Variants in CAMK2B observed in about 807,000 individuals in gnomAD.
The protein encoded by CAMK2B is calcium/calmodulin dependent protein kinase II beta.
Under a neutral mutation model 93.7 loss-of-function variants are expected in CAMK2B, and 27 were observed. The observed-to-expected ratio is 0.29, with a 90% CI of 0.21 to 0.40. CAMK2B has a LOEUF of 0.40. Ranked by LOEUF, CAMK2B falls within the 10% of genes least tolerant of loss-of-function variation. The pLI is 1.00. For missense variants in CAMK2B, 568 were observed against 895.8 expected (o/e 0.63, Z 4.67); for synonymous variants, 374 against 358.8 (o/e 1.04, Z -0.48).
rs1793924223 is a variant in CAMK2B at position 44,312,898 on chromosome 7, C to T, written c.65+12459G>A. On this transcript the variant is annotated intron_variant, in intron 1 of 23. Transcript: ENST00000395749. This position sits in a 1 kb window ranked among gnomAD's most constrained non-coding sequence, Gnocchi z 4.1. ...GTTTTTGACTGGGAGGGGTGTTCTC[C>T]GTCAGTCCCTGGGGCTGTTATGATG... Among the ~76,000 whole-genome samples, 1 of 152,254 alleles carries T rather than the reference C, an allele frequency of 6.6e-6. No individual in the cohort carries two copies. The highest frequency in any genetic ancestry group is 2.4e-5 in the African/African-American group (1 of 41,558).
intron 2 of CAMK2B, chr7:44,268,956 T>TG (rs1432242527): frequency 6.6e-6 from 1 of 152,126 alleles, no homozygotes; most frequent in Non-Finnish European, 1.5e-5. Context: ...CCAGGAGTGG[T>TG]GGGGGAGAGA....
intron 2 of CAMK2B, among the ~76,000 whole-genome samples, chr7:44,275,905 G>C (rs988407474): frequency 1.3e-5 from 2 of 152,176 alleles, no homozygotes; most frequent in Admixed American, 1.3e-4. Flanking sequence ...GCTGACCCTG[G>C]GGCAGGGGAG....
chr7:44,261,271 C>A (rs545438813), intron 3 of CAMK2B, among the ~76,000 whole-genome samples: 63 of 152,390 alleles, frequency 4.1e-4, no homozygotes, highest in African/African-American at 1.4e-3. Flanking sequence ...AGCAGGCTGG[C>A]CCCTCTGAGC....
At chr7:44,253,201 G>GTT (rs1198673884) in intron 5 of CAMK2B, among the ~76,000 whole-genome samples, 3 of 143,606 alleles carry the variant, frequency 2.1e-5, no homozygotes, top group African/African-American at 5.1e-5. Flanking sequence ...TTTAAAAAGA[G>GTT]TTTTTTTTTT....
Position 44,325,510 on chromosome 7 carries a change from G to A in CAMK2B, c.-89C>T. ...GCTCGCGGGCACGGCGGCGACACGGGCGCGGGCGCGGGAGACACCTCGGCT... is the reference window on the plus strand; with the variant it reads ...GCTCGCGGGCACGGCGGCGACACGGACGCGGGCGCGGGAGACACCTCGGCT... On this transcript the variant is annotated 5_prime_UTR_variant, in exon 1 of 24. Transcript: ENST00000395749. 1 of 801,952 alleles carries A rather than the reference G, an allele frequency of 1.2e-6. No individual in the cohort carries two copies. The highest frequency in any genetic ancestry group is 1.5e-6 in the Non-Finnish European group (1 of 661,488). 49.7% of individuals were successfully genotyped at this position (801,952 alleles called of 1,614,324 possible).
At chr7:44,291,050 G>T (rs550063079) in intron 1 of CAMK2B, among the ~76,000 whole-genome samples, 2 of 152,270 alleles carry the variant, frequency 1.3e-5, no homozygotes, top group Non-Finnish European at 2.9e-5. Flanking sequence ...GGGGGCTCTT[G>T]TTGCCACTTT....
At chr7:44,221,231 C>T (rs954822653) in intron 20 of CAMK2B, among the ~76,000 whole-genome samples, 5 of 152,250 alleles carry the variant, frequency 3.3e-5, no homozygotes, top group Admixed American at 2.6e-4. Context: ...CCTGGCCCCA[C>T]GTGCTGTCCG....
At chr7:44,306,415 G>A (rs994405422) in intron 1 of CAMK2B, among the ~76,000 whole-genome samples, 18 of 152,204 alleles carry the variant, frequency 1.2e-4, no homozygotes, top group Non-Finnish European at 2.1e-4. Flanking sequence ...AACCCCACAG[G>A]AGCTGTGCCC....
intron 23 of CAMK2B, among the ~76,000 whole-genome samples, 193 bp downstream of exon 23, chr7:44,219,867 G>C (rs1250489410): frequency 6.6e-6 from 1 of 152,110 alleles, no homozygotes; most frequent in Non-Finnish European, 1.5e-5. Context: ...AGTCCTCTGG[G>C]GAGGCCTGCC....
At chr7:44,254,637 T>A in intron 4 of CAMK2B, 30 bp from the exon 5 acceptor site, 1 of 1,522,334 alleles carries the variant, frequency 6.6e-7, no homozygotes, top group Non-Finnish European at 9.1e-7. Flanking sequence ...GGGTCACAGA[T>A]TCTGGAGACC....
intron 16 of CAMK2B, among the ~76,000 whole-genome samples, chr7:44,231,406 T>G (rs2128922916): frequency 6.6e-6 from 1 of 152,300 alleles, no homozygotes; most frequent in Admixed American, 6.5e-5. Context: ...GTGGCCACCC[T>G]GCATCCCCAA....
At chr7:44,278,858 G>A (rs1190091653) in intron 2 of CAMK2B, among the ~76,000 whole-genome samples, 3 of 152,230 alleles carry the variant, frequency 2.0e-5, no homozygotes, top group Admixed American at 6.5e-5. Flanking sequence ...CCTCAAAGCC[G>A]GGGTGGTAGG....
intron 1 of CAMK2B, among the ~76,000 whole-genome samples, chr7:44,300,084 ACT>A (rs1174606448): frequency 6.8e-6 from 1 of 148,106 alleles, no homozygotes; most frequent in Non-Finnish European, 1.5e-5. Flanking sequence ...ACAGGGACTC[ACT>A]CTGTCACCCA....
intron 1 of CAMK2B, among the ~76,000 whole-genome samples, chr7:44,308,703 C>G: frequency 6.6e-6 from 1 of 152,170 alleles, no homozygotes. Context: ...CCCACCTTGT[C>G]CGGAGGGCAA....
At chr7:44,298,839 A>G (rs1486687869) in intron 1 of CAMK2B, among the ~76,000 whole-genome samples, 1 of 152,086 alleles carries the variant, frequency 6.6e-6, no homozygotes, top group Non-Finnish European at 1.5e-5. Flanking sequence ...ACCACTTCAC[A>G]TCCATTAAGA....
chr7:44,310,550 A>G (rs561268432), intron 1 of CAMK2B, among the ~76,000 whole-genome samples: 1 of 152,358 alleles, frequency 6.6e-6, no homozygotes, highest in South Asian at 2.1e-4. Context: ...ATTATTCACA[A>G]CAGCCAAGAG....
In CAMK2B at chr7:44,217,877, C is replaced by CT. The variant is rs1376786883; in HGVS notation, c.*1647dup. ...CACCCAACCTGGCTTCAGACCCACC[C>CT]TGCAGCCCCACCATGCTCGGGCTTG... On this transcript the variant is annotated 3_prime_UTR_variant, in exon 24 of 24. Coordinates refer to ENST00000395749, the MANE Select transcript of CAMK2B (RefSeq NM_001220.5). 6.6e-6 allele frequency: 1 copy of CT among 152,296 alleles called. No individual in the cohort carries two copies. The highest frequency in any genetic ancestry group is 1.5e-5 in the Non-Finnish European group (1 of 68,102). The allele number at this position is 152,296 out of a possible 1,614,324, so 9.4% of individuals were successfully genotyped here.
In CAMK2B at chr7:44,234,622, C is replaced by T. The variant is rs1397603838; in HGVS notation, c.1059+17G>A. On this transcript the variant is annotated intron_variant, in intron 14 of 23. Coordinates refer to ENST00000395749, the MANE Select transcript of CAMK2B (RefSeq NM_001220.5). ...CTCTGGGCTCCCCGGCACCACAGGG[C>T]CCGGCTGGAGCCTCACCTTGACTCC... is the stretch of plus-strand genomic sequence containing the variant. The T allele has an allele frequency of 3.7e-6, 6 of 1,613,796 alleles. No homozygotes were observed. The highest frequency in any genetic ancestry group is 5.1e-6 in the Non-Finnish European group (6 of 1,179,716).
intron 16 of CAMK2B, 23 bp from the exon 17 acceptor site, chr7:44,231,077 G>A (rs368957384): frequency 1.2e-4 from 190 of 1,551,572 alleles, no homozygotes; most frequent in Middle Eastern, 3.3e-4. Flanking sequence ...GGGAGGCAGC[G>A]GGTCAGGATG....
Sources: allele counts gnomAD v4.1 joint callset (sites outside exome capture counted in the v4.1 genomes callset), GRCh38; gene constraint gnomAD v4.1.1; non-coding constraint Gnocchi (gnomAD v3.1); transcripts MANE v1.5; gene names NCBI Gene and HGNC (gene_info 2026-07-23, HGNC 2026-07-21).